GNA12: variants seen among roughly 807,000 people sequenced by gnomAD.
The protein encoded by GNA12 is G protein subunit alpha 12, also known as guanine nucleotide-binding protein subunit alpha-12.
GNA12 carries 9 observed loss-of-function variants against 26.0 expected under a neutral mutation model. The observed-to-expected ratio is 0.35, with a 90% confidence interval of 0.21 to 0.60. GNA12 has a LOEUF of 0.60. GNA12 is among the 20% of genes least tolerant of loss of function. The pLI, the probability that GNA12 is intolerant of heterozygous loss-of-function variation, is 0.78. For missense variants in GNA12, 405 were observed against 525.8 expected, an observed-to-expected ratio of 0.77 and a Z score of 2.25; for synonymous variants, 264 against 219.6, an observed-to-expected ratio of 1.20 and a Z score of -1.79.
intron 2 of GNA12, among the ~76,000 whole-genome samples, chr7:2,750,150 C>A (rs958208075): frequency 5.9e-5 from 9 of 152,206 alleles, no homozygotes; most frequent in Non-Finnish European, 1.3e-4. Flanking sequence ...ACTCTCCGGT[C>A]TGACATGTAA....
Position 2,843,980 on chromosome 7 carries a change from A to C in GNA12, c.182T>G (p.Leu61Arg). Residue 61 changes from leucine to arginine, a missense_variant, in exon 1 of 4, where the codon CTG becomes CGG. Leu to Arg is a moderately radical substitution (Grantham distance 102). Transcript: ENST00000275364. ...RRAVRRLVKI[L>R]LLGAGESGKS... ...GCCGCTCTCGCCCGCGCCCAGCAGC[A>C]GGATCTTCACCAGGCGCCGGACCGC... 1 of 1,586,100 alleles carries C rather than the reference A, an allele frequency of 6.3e-7. No individual in the cohort carries two copies. Among genetic ancestry groups the C allele is most frequent in the South Asian group, 1.1e-5 (1 of 87,574 alleles).
chr7:2,835,543 G>T, intron 1 of GNA12: 1 of 480,590 alleles, frequency 2.1e-6, no homozygotes, highest in Non-Finnish European at 3.9e-6. Flanking sequence ...TATTTGCCAG[G>T]GAATTCTGGG....
rs562356402 is a variant in GNA12, at chr7:2,817,574, C to T, written c.310-22431G>A. 7.9e-5 allele frequency among the ~76,000 whole-genome samples: 12 copies of T among 152,360 alleles called. No homozygotes were observed. The East Asian group carries it at 1.2e-3, about 15-fold the overall frequency. On this transcript the variant is annotated intron_variant, in intron 1 of 3. Coordinates refer to ENST00000275364, the MANE Select transcript of GNA12 (RefSeq NM_007353.3). Reference sequence around the variant, plus strand: ...TGTGGAGACATTATATATTTCTTCACTTACTCATTATTTGTCCCTAACCTG... The same window carrying T: ...TGTGGAGACATTATATATTTCTTCATTTACTCATTATTTGTCCCTAACCTG...
Position 2,733,484 on chromosome 7 carries a change from G to A in GNA12, c.543C>T (p.Tyr181=), listed in dbSNP as rs747427701. ...SEFQLGESVK[Y]FLDNLDRIGQ... Reference sequence around the variant, plus strand: ...CGATCCGGTCCAAGTTGTCCAGGAAGTACTTCACCGACTCCCCCTGTCAGG... The same window carrying A: ...CGATCCGGTCCAAGTTGTCCAGGAAATACTTCACCGACTCCCCCTGTCAGG... Residue 181 remains tyrosine (Y), a synonymous_variant, in exon 3 of 4, where the codon TAC becomes TAT. Transcript: ENST00000275364. 25 of 1,613,692 alleles carry A rather than the reference G, an allele frequency of 1.5e-5. No homozygotes were observed. Among genetic ancestry groups the A allele is most frequent in the Admixed American group, 1.3e-4 (8 of 60,000 alleles).
rs370411084 is a variant in GNA12 at position 2,843,970 on chromosome 7, G to T, written c.192C>A (p.Gly64=). 3.3e-5 allele frequency: 52 copies of T among 1,588,766 alleles called. No homozygotes were observed. Among genetic ancestry groups the T allele is most frequent in the Admixed American group, 5.2e-5 (3 of 57,938 alleles). ...ACGTGGACTTGCCGCTCTCGCCCGCGCCCAGCAGCAGGATCTTCACCAGGC... is the reference window on the plus strand; with the variant it reads ...ACGTGGACTTGCCGCTCTCGCCCGCTCCCAGCAGCAGGATCTTCACCAGGC... ...VRRLVKILLL[G]AGESGKSTFL... Residue 64 remains glycine (G), a synonymous_variant, in exon 1 of 4, where the codon GGC becomes GGA. Transcript: ENST00000275364.
At chr7:2,830,924 G>A (rs1041415645) in intron 1 of GNA12, among the ~76,000 whole-genome samples, 9 of 151,488 alleles carry the variant, frequency 5.9e-5, no homozygotes, top group Admixed American at 1.3e-4. Flanking sequence ...CTAGGTGACA[G>A]AGCAAGACCC....
At chr7:2,765,130 A>C (rs1049371388) in intron 2 of GNA12, 1 of 152,134 alleles carries the variant, frequency 6.6e-6, no homozygotes, top group Non-Finnish European at 1.5e-5. Flanking sequence ...ATCTAAGGGA[A>C]AAAAAGAATC....
At chr7:2,756,876 T>A (rs1438860346) in intron 2 of GNA12, among the ~76,000 whole-genome samples, 5 of 151,810 alleles carry the variant, frequency 3.3e-5, no homozygotes, top group Admixed American at 6.6e-5. Flanking sequence ...CCATTTGAGG[T>A]TGGTCTGGGT....
At chr7:2,840,008 G>C (rs773755161) in intron 1 of GNA12, among the ~76,000 whole-genome samples, 2 of 152,056 alleles carry the variant, frequency 1.3e-5, no homozygotes, top group Non-Finnish European at 2.9e-5. Flanking sequence ...AACAACAACA[G>C]AATAGATTAT....
chr7:2,735,475 T>C (rs771581558), intron 2 of GNA12, among the ~76,000 whole-genome samples: 1 of 152,028 alleles, frequency 6.6e-6, no homozygotes, highest in African/African-American at 2.4e-5. Flanking sequence ...TCCGCCCAGA[T>C]AGTACGGACG....
At chr7:2,749,516 T>C (rs1220856683) in intron 2 of GNA12, among the ~76,000 whole-genome samples, 1 of 57,702 alleles carries the variant, frequency 1.7e-5, no homozygotes, top group Non-Finnish European at 3.3e-5. Context: ...TATTGTGGGG[T>C]AGGGGGAGGG....
chr7:2,791,804 GACA>G (rs1055587877), intron 2 of GNA12, among the ~76,000 whole-genome samples: 1 of 152,132 alleles, frequency 6.6e-6, no homozygotes, highest in Admixed American at 6.5e-5. Context: ...TGTGTATTTT[GACA>G]ACAACGACTA....
chr7:2,824,240 T>TC (rs1380400314), intron 1 of GNA12, among the ~76,000 whole-genome samples: 9 of 152,076 alleles, frequency 5.9e-5, no homozygotes, highest in African/African-American at 2.2e-4. Flanking sequence ...CCCGTGAATG[T>TC]CCAAGTCAGA....
chr7:2,802,702 C>T (rs532021163), intron 1 of GNA12, among the ~76,000 whole-genome samples: 1 of 152,288 alleles, frequency 6.6e-6, no homozygotes, highest in South Asian at 2.1e-4. Flanking sequence ...AAAACCCACT[C>T]GGCTGAGTTG....
At chr7:2,817,578 C>T (rs982262539) in intron 1 of GNA12, among the ~76,000 whole-genome samples, 1 of 152,246 alleles carries the variant, frequency 6.6e-6, no homozygotes, top group Non-Finnish European at 1.5e-5. Context: ...TCTTCACTTA[C>T]TCATTATTTG....
At chr7:2,796,866 G>A (rs941129165) in intron 1 of GNA12, among the ~76,000 whole-genome samples, 1 of 152,162 alleles carries the variant, frequency 6.6e-6, no homozygotes, top group African/African-American at 2.4e-5. Flanking sequence ...CAGTTAGGAG[G>A]TCTGTTCCAC....
intron 2 of GNA12, among the ~76,000 whole-genome samples, chr7:2,781,981 G>C (rs1053599044): frequency 2.6e-5 from 4 of 152,186 alleles, no homozygotes; most frequent in Non-Finnish European, 5.9e-5. Context: ...TGAGAGAATA[G>C]AATTTGGAGT....
rs575000940 is a variant in GNA12, at chr7:2,730,320, CG to C, written c.*860del. 3.9e-4 allele frequency: 60 copies of C among 152,522 alleles called. No individual in the cohort carries two copies. The highest frequency in any genetic ancestry group is 1.4e-3 in the African/African-American group (60 of 41,522). The allele number at this position is 152,522 out of a possible 1,614,324, so 9.4% of individuals were successfully genotyped here. ...GGGGACCTGGTTTCTGTGTCTTTGC[CG>C]TTGGGTTGGGCAGTGGGTGGCTAAG... On this transcript the variant is annotated 3_prime_UTR_variant, in exon 4 of 4. Transcript: ENST00000275364.
At chr7:2,733,406 T>C in intron 3 of GNA12, 45 bp downstream of exon 3, 1 of 1,579,606 alleles carries the variant, frequency 6.3e-7, no homozygotes, top group Non-Finnish European at 8.7e-7. Flanking sequence ...GGACACGTTT[T>C]CTAACCCTGG....
Sources: gnomAD v4.1 joint callset for allele counts (sites outside exome capture counted in the v4.1 genomes callset) on GRCh38, gnomAD v4.1.1 for gene constraint, MANE v1.5 for transcripts, NCBI Gene and HGNC (gene_info 2026-07-23, HGNC 2026-07-21) for gene names.